The following PCDHA3 variants were observed in gnomAD, a reference collection of about 807,000 sequenced individuals.
PCDHA3 encodes protocadherin alpha-3.
A neutral mutation model predicts 62.2 loss-of-function variants in PCDHA3; 41 were observed. The ratio of observed to expected loss-of-function variants is 0.66; its 90% CI spans 0.51 to 0.86. PCDHA3 has a LOEUF of 0.86. Among genes scored for constraint, PCDHA3 ranks in the 40% least tolerant of loss-of-function variants. The probability of loss-of-function intolerance (pLI) is 0.00; values close to 1 mark genes in which losing one functional copy is unlikely to be tolerated. For missense variants in PCDHA3, 1,304 were observed against 1,241.2 expected (o/e 1.05, Z -0.76); for synonymous variants, 640 against 555.4 (o/e 1.15, Z -2.14).
At chr5:140,829,337 G>A (rs2150166119) in intron 1 of PCDHA3, 57 of 1,614,146 alleles carry the variant, frequency 3.5e-5, no homozygotes, top group Non-Finnish European at 4.6e-5. Flanking sequence ...CCTGGACCGC[G>A]AGAGCGTGTC....
chr5:140,894,821 C>T, intron 1 of PCDHA3, among the ~76,000 whole-genome samples: 1 of 151,806 alleles, frequency 6.6e-6, no homozygotes, highest in Non-Finnish European at 1.5e-5. Context: ...TCAGATTTGC[C>T]CATAATCCTT....
At chr5:140,966,973 G>T in intron 1 of PCDHA3, 1 of 1,603,054 alleles carries the variant, frequency 6.2e-7, no homozygotes. Flanking sequence ...GGCTTGAGCT[G>T]CGGCGCTTGG....
rs2150175965 is a variant in PCDHA3, at chr5:140,829,844, C to G, written c.2394+26253C>G. On this transcript the variant is annotated intron_variant, in intron 1 of 3. Coordinates refer to ENST00000522353, the MANE Select transcript of PCDHA3 (RefSeq NM_018906.3). ...AGTGAGCGAGCTGGTGCCGCGGTCACTGGGTGCAGGCCAAGTGGTGGCGAA... is the reference window on the plus strand; with the variant it reads ...AGTGAGCGAGCTGGTGCCGCGGTCAGTGGGTGCAGGCCAAGTGGTGGCGAA... 17,404 of 1,613,920 alleles carry G rather than the reference C, an allele frequency of 0.011. 1,610 individuals are homozygous for G. In the African/African-American group the frequency reaches 0.2, roughly 19 times the overall value.
intron 1 of PCDHA3, among the ~76,000 whole-genome samples, chr5:140,827,210 A>G (rs1178615911): frequency 1.3e-5 from 2 of 152,226 alleles, no homozygotes; most frequent in Non-Finnish European, 2.9e-5. Context: ...AGTGAGAACA[A>G]TTAAAGGAAA....
intron 1 of PCDHA3, chr5:140,828,135 T>C (rs1769546184): frequency 1.2e-6 from 2 of 1,613,866 alleles, no homozygotes; most frequent in East Asian, 4.5e-5. Flanking sequence ...CAATGTCTGC[T>C]CCTCCCGCTT....
chr5:140,872,802 A>T (rs533671542), intron 1 of PCDHA3, among the ~76,000 whole-genome samples: 128 of 152,330 alleles, frequency 8.4e-4, no homozygotes, highest in Admixed American at 2.4e-3. Flanking sequence ...GCATTCTTCC[A>T]TAAGTTTTTC....
At chr5:140,926,737 C>T (rs2083513630) in intron 1 of PCDHA3, 3 of 1,153,842 alleles carry the variant, frequency 2.6e-6, no homozygotes, top group Non-Finnish European at 3.4e-6. Flanking sequence ...GTTCGGGAGG[C>T]GCAACGTCGG....
chr5:140,914,769 T>C (rs2076832006), intron 1 of PCDHA3, among the ~76,000 whole-genome samples: 1 of 152,160 alleles, frequency 6.6e-6, no homozygotes, highest in South Asian at 2.1e-4. Flanking sequence ...ATGAGGTTTA[T>C]GACTTATCTT....
rs1422466475 is a variant in PCDHA3 at position 140,877,665 on chromosome 5, G to A, written c.2394+74074G>A. 5.0e-6 allele frequency: 8 copies of A among 1,613,522 alleles called. No homozygotes were observed. In the African/African-American group the frequency reaches 8.0e-5, roughly 16 times the overall value. On this transcript the variant is annotated intron_variant, in intron 1 of 3. Coordinates refer to ENST00000522353, the MANE Select transcript of PCDHA3 (RefSeq NM_018906.3). ...GCTCAGCGCCGCCCACCGTGAGCCGGTGCGCGCCGGGCAAGCCCACGCTGG... is the reference window on the plus strand; with the variant it reads ...GCTCAGCGCCGCCCACCGTGAGCCGATGCGCGCCGGGCAAGCCCACGCTGG...
chr5:140,831,652 T>A (rs2150196590), intron 1 of PCDHA3, among the ~76,000 whole-genome samples: 1 of 151,500 alleles, frequency 6.6e-6, no homozygotes, highest in Non-Finnish European at 1.5e-5. Flanking sequence ...TGTGAGCCAC[T>A]ATGCTTGGCT....
intron 1 of PCDHA3, chr5:140,882,427 G>C (rs201675412): frequency 1.6e-4 from 264 of 1,613,972 alleles, no homozygotes; most frequent in Middle Eastern, 1.7e-4. Context: ...AGGACCTGGG[G>C]CTGGAGCTGG....
chr5:140,912,500 T>C (rs1554195386), intron 1 of PCDHA3, among the ~76,000 whole-genome samples: 1 of 152,204 alleles, frequency 6.6e-6, no homozygotes, highest in Non-Finnish European at 1.5e-5. Flanking sequence ...TAGGAGCTTT[T>C]TGGATGAATC....
In PCDHA3 at chr5:140,802,672, A is replaced by G. The variant is rs1554122273; in HGVS notation, c.1475A>G (p.Tyr492Cys). The change falls in exon 1 of 4, where the codon TAC becomes TGC. Residue 492 changes from tyrosine to cysteine, a missense_variant. Coordinates refer to ENST00000522353, the MANE Select transcript of PCDHA3 (RefSeq NM_018906.3). ...ADAQENALVS[Y>C]SLVERRVGER... Reference sequence around the variant, plus strand: ...GCGCAGGAGAACGCCCTGGTGTCCTACTCGCTGGTGGAACGGCGGGTGGGG... The same window carrying G: ...GCGCAGGAGAACGCCCTGGTGTCCTGCTCGCTGGTGGAACGGCGGGTGGGG... The G allele has an allele frequency of 9.3e-6, 15 of 1,613,198 alleles. No homozygotes were observed. Among genetic ancestry groups the G allele is most frequent in the Non-Finnish European group, 1.2e-5 (14 of 1,179,830 alleles).
At chr5:140,852,888 T>A in intron 1 of PCDHA3, 1 of 920,092 alleles carries the variant, frequency 1.1e-6, no homozygotes. Context: ...AAAACGTATT[T>A]TTTTTTTTGA....
chr5:140,946,875 G>T (rs1283632599), intron 1 of PCDHA3, among the ~76,000 whole-genome samples: 1 of 151,288 alleles, frequency 6.6e-6, no homozygotes, highest in Non-Finnish European at 1.5e-5. Flanking sequence ...TGGTCAATGG[G>T]TACGAAGTTA....
chr5:140,844,162 T>C (rs1328391429), intron 1 of PCDHA3, among the ~76,000 whole-genome samples: 8 of 149,794 alleles, frequency 5.3e-5, no homozygotes, highest in Non-Finnish European at 1.0e-4. Context: ...TTTTATTCAC[T>C]TTAAGATCTC....
intron 1 of PCDHA3, among the ~76,000 whole-genome samples, chr5:140,905,419 C>T (rs2071826794): frequency 6.6e-6 from 1 of 152,158 alleles, no homozygotes; most frequent in South Asian, 2.1e-4. Flanking sequence ...CAGTACCATG[C>T]TGGTTTGATA....
In PCDHA3 at chr5:140,843,430, CATCTGCGCGGT is replaced by C. The variant is rs1778874946; in HGVS notation, c.2394+39843_2394+39853del. The C allele has an allele frequency of 1.6e-5, 26 of 1,596,170 alleles. 2 individuals carry two copies. Among genetic ancestry groups the C allele is most frequent in the Non-Finnish European group, 2.1e-5 (24 of 1,165,672 alleles). On this transcript the variant is annotated intron_variant, in intron 1 of 3. Coordinates refer to ENST00000522353, the MANE Select transcript of PCDHA3 (RefSeq NM_018906.3). ...ATGTCAACGTGTACCTGATCATCGC[CATCTGCGCGGT>C]ATCCAGCCTGCTGGTGCTCACGCTG...
At chr5:140,927,295 G>T (rs1343982131) in intron 1 of PCDHA3, 2 of 1,614,032 alleles carry the variant, frequency 1.2e-6, no homozygotes, top group African/African-American at 2.7e-5. Context: ...GCACATCCCC[G>T]AGTTCCTGAC....
Sources: allele counts gnomAD v4.1 joint callset (sites outside exome capture counted in the v4.1 genomes callset), GRCh38; gene constraint gnomAD v4.1.1; transcripts MANE v1.5; gene names NCBI Gene and HGNC (gene_info 2026-07-23, HGNC 2026-07-21).